RTL4: variants seen among roughly 807,000 people sequenced by gnomAD.
RTL4 encodes the protein retrotransposon Gag-like protein 4.
In RTL4, 4 loss-of-function variants were observed where a neutral mutation model predicts 5.3. The observed-to-expected ratio is 0.75, with a 90% CI of 0.37 to 1.72. RTL4 has a LOEUF of 1.72. RTL4 is among the 40% of genes most tolerant of loss of function. RTL4 has a pLI of 0.04. For synonymous variants in RTL4, 98 were observed against 87.3 expected (o/e 1.12, Z -0.68); for missense variants, 260 against 227.1 (o/e 1.14, Z -0.93).
chrX:112,280,955 GCTAA>G, the RTL4 span, among the ~76,000 whole-genome samples: 2 of 111,547 alleles, frequency 1.8e-5, no homozygotes, highest in African/African-American at 6.5e-5. Context: ...GCTAAATTGA[GCTAA>G]CTAACATATG....
the RTL4 span, among the ~76,000 whole-genome samples, chrX:112,391,345 C>T: frequency 9.0e-6 from 1 of 111,272 alleles, no homozygotes; most frequent in South Asian, 3.8e-4. Flanking sequence ...CTTAAGAACT[C>T]GGTGGAGAAC....
chrX:112,248,727 T>C, the RTL4 span, among the ~76,000 whole-genome samples: 1 of 111,789 alleles, frequency 8.9e-6, no homozygotes, highest in African/African-American at 3.3e-5. Flanking sequence ...CCCATGGTGG[T>C]TTGTCCTTTG....
At chrX:112,225,903 T>C in the RTL4 span, among the ~76,000 whole-genome samples, 1 of 112,022 alleles carries the variant, frequency 8.9e-6, no homozygotes, top group Admixed American at 9.5e-5. Flanking sequence ...TGTCAAACCA[T>C]CACTCCAAAA....
At chrX:112,230,113 C>A in the RTL4 span, among the ~76,000 whole-genome samples, 21 of 112,564 alleles carry the variant, frequency 1.9e-4, no homozygotes, top group Non-Finnish European at 3.9e-4. Context: ...TTTGTCTGTG[C>A]CCTGCCCCCA....
At chrX:112,296,912 T>C in the RTL4 span, among the ~76,000 whole-genome samples, 25,375 of 109,431 alleles carry the variant, frequency 0.23, 2,402 homozygotes, top group Admixed American at 0.34. Flanking sequence ...CCACCGCGCC[T>C]GGCTGAGAAT....
the RTL4 span, among the ~76,000 whole-genome samples, chrX:112,248,825 C>T: frequency 8.9e-6 from 1 of 111,909 alleles, no homozygotes; most frequent in African/African-American, 3.3e-5. Flanking sequence ...GGGCCTACAG[C>T]AATAAGTATC....
At chrX:112,306,586 T>G in the RTL4 span, among the ~76,000 whole-genome samples, 2 of 111,338 alleles carry the variant, frequency 1.8e-5, no homozygotes, top group Non-Finnish European at 3.8e-5. Context: ...TAGCATGCTT[T>G]TCTTTTAATT....
At chrX:112,091,638 G>T in the RTL4 span, among the ~76,000 whole-genome samples, 1 of 111,278 alleles carries the variant, frequency 9.0e-6, no homozygotes, top group Non-Finnish European at 1.9e-5. Flanking sequence ...GTAAATTGAG[G>T]ACTTGTTTTG....
the RTL4 span, among the ~76,000 whole-genome samples, chrX:112,282,889 C>A: frequency 2.7e-5 from 3 of 111,322 alleles, no homozygotes; most frequent in Non-Finnish European, 5.7e-5. Context: ...ACATAAGATA[C>A]CATGTAGAAT....
At chrX:112,141,687 C>T in the RTL4 span, among the ~76,000 whole-genome samples, 3 of 110,576 alleles carry the variant, frequency 2.7e-5, no homozygotes, top group Admixed American at 1.9e-4. Context: ...AGAGATATCT[C>T]GTATATCAAG....
At chrX:112,324,765 C>G in the RTL4 span, among the ~76,000 whole-genome samples, 1 of 110,870 alleles carries the variant, frequency 9.0e-6, no homozygotes, top group Non-Finnish European at 1.9e-5. Context: ...TTTTTGTAAC[C>G]TAATATTTGG....
chrX:112,233,300 A>G, the RTL4 span, among the ~76,000 whole-genome samples: 5 of 109,248 alleles, frequency 4.6e-5, no homozygotes, highest in South Asian at 3.7e-4. Context: ...ACGTGGTTGT[A>G]TCTGAGTTGA....
the RTL4 span, among the ~76,000 whole-genome samples, chrX:112,201,642 T>C: frequency 9.0e-6 from 1 of 110,616 alleles, no homozygotes; most frequent in Admixed American, 9.6e-5. Flanking sequence ...GGAAAATAGC[T>C]TCTGAAAAAA....
chrX:112,280,390 A>C, the RTL4 span, among the ~76,000 whole-genome samples: 412 of 111,899 alleles, frequency 3.7e-3, no homozygotes, highest in African/African-American at 0.013. Context: ...TGATGGGATC[A>C]TTCATAACAC....
At chrX:112,106,623 A>T in the RTL4 span, among the ~76,000 whole-genome samples, 1 of 111,880 alleles carries the variant, frequency 8.9e-6, no homozygotes, top group Admixed American at 9.4e-5. Context: ...TGGATGTACT[A>T]CTTTATACTT....
the RTL4 span, among the ~76,000 whole-genome samples, chrX:112,177,966 TAA>T: frequency 6.0e-5 from 6 of 99,704 alleles, no homozygotes; most frequent in African/African-American, 1.5e-4. Context: ...ATAGCTTCAT[TAA>T]AAAAAAAAAA....
chrX:112,325,289 GA>G, the RTL4 span, among the ~76,000 whole-genome samples: 2 of 111,202 alleles, frequency 1.8e-5, no homozygotes, highest in African/African-American at 3.3e-5. Context: ...CATAGAATTG[GA>G]AAAAAACTAC....
At chrX:112,360,521 C>A in the RTL4 span, among the ~76,000 whole-genome samples, 4 of 110,902 alleles carry the variant, frequency 3.6e-5, no homozygotes, top group Non-Finnish European at 7.6e-5. Context: ...AGAATTCTTT[C>A]AGAACATAGC....
the RTL4 span, among the ~76,000 whole-genome samples, chrX:112,390,401 C>T: frequency 9.6e-6 from 1 of 104,068 alleles, no homozygotes; most frequent in Non-Finnish European, 2.0e-5. Flanking sequence ...GTAGTGAGCC[C>T]GGATCATGCC....
Sources: gnomAD v4.1 joint callset for allele counts (sites outside exome capture counted in the v4.1 genomes callset) on GRCh38, gnomAD v4.1.1 for gene constraint, MANE v1.5 for transcripts, NCBI Gene and HGNC (gene_info 2026-07-23, HGNC 2026-07-21) for gene names.